Variants in GCFC2 observed in about 807,000 individuals in gnomAD.
The protein encoded by GCFC2 is GC-rich sequence DNA-binding factor 2.
Under a neutral mutation model 99.4 loss-of-function variants are expected in GCFC2, and 102 were observed. That is an observed-to-expected ratio of 1.03 (90% CI 0.87 to 1.21). GCFC2 has a LOEUF of 1.21. Ranked by LOEUF, GCFC2 falls within the 50% of genes most tolerant of loss-of-function variation. The probability of loss-of-function intolerance (pLI) is 0.00; values close to 1 mark genes in which losing one functional copy is unlikely to be tolerated. For synonymous variants in GCFC2, 338 were observed against 316.8 expected (o/e 1.07, Z -0.71); for missense variants, 973 against 920.9 (o/e 1.06, Z -0.73).
At chr2:75,691,071 A>G (rs1463255161) in intron 7 of GCFC2, among the ~76,000 whole-genome samples, 1 of 152,170 alleles carries the variant, frequency 6.6e-6, no homozygotes, top group Non-Finnish European at 1.5e-5. Flanking sequence ...GGCTTTGCCA[A>G]TACAGGAGTC....
At position 75,690,671 on chromosome 2, in the gene GCFC2, G is replaced by A. The variant is rs752221205; in HGVS notation, c.1193C>T (p.Thr398Ile). 7 of 1,564,752 alleles carry A rather than the reference G, an allele frequency of 4.5e-6. No individual in the cohort carries two copies. In the African/African-American group the frequency reaches 9.5e-5, roughly 21 times the overall value. The change falls in exon 8 of 17, where the codon ACT (threonine) becomes ATT (isoleucine). Residue 398 changes from threonine (T) to isoleucine (I), a missense_variant. Transcript: ENST00000321027. Reference sequence around the variant, plus strand: ...TTCAATCTCTTCTAAAATCCACTGAGTTTTTTCATCTACTGAGAAGTTTCC... The same window carrying A: ...TTCAATCTCTTCTAAAATCCACTGAATTTTTTCATCTACTGAGAAGTTTCC... ...TSGNFSVDEK[T>I]QWILEEIESR...
rs115977081 is a variant in GCFC2, at chr2:75,695,196, T to C, written c.834-769A>G. On this transcript the variant is annotated intron_variant, in intron 5 of 16. Transcript: ENST00000321027. ...CTTTGTTTTTATAAATAAAGTTATA[T>C]TGGAACACATACATGCTTATATGTT... Among the ~76,000 whole-genome samples, 466 of 152,312 alleles carry C rather than the reference T, an allele frequency of 3.1e-3. 3 individuals are homozygous for C. Among genetic ancestry groups the C allele is most frequent in the African/African-American group, 0.011 (454 of 41,592 alleles).
Position 75,696,314 on chromosome 2 carries a change from T to C in GCFC2, c.719A>G (p.Glu240Gly). ...GCCACAGGAAAGATCTATGTCTCTTTCCTAAAAAAGTAAAAATAGATTTTT... is the reference window on the plus strand; with the variant it reads ...GCCACAGGAAAGATCTATGTCTCTTCCCTAAAAAAGTAAAAATAGATTTTT... Reference protein sequence around the residue: ...QMRKAVKIIEERDIDLSCGNG... With the variant: ...QMRKAVKIIEGRDIDLSCGNG... Residue 240 changes from glutamate to glycine, a missense_variant and splice_region_variant, in exon 5 of 17, where the codon GAA becomes GGA. Glu to Gly is a moderately conservative substitution (Grantham distance 98). Coordinates refer to ENST00000321027, the MANE Select transcript of GCFC2 (RefSeq NM_003203.5). 1 of 1,222,746 alleles carries C rather than the reference T, an allele frequency of 8.2e-7. No individual in the cohort carries two copies. 75.7% of individuals were successfully genotyped at this position (1,222,746 alleles called of 1,614,324 possible).
intron 1 of GCFC2, among the ~76,000 whole-genome samples, chr2:75,707,711 G>C (rs1455998543): frequency 6.8e-6 from 1 of 146,668 alleles, no homozygotes; most frequent in African/African-American, 2.4e-5. Context: ...CTTTCAGAGA[G>C]TCTGTGAAAT....
Position 75,664,484 on chromosome 2 carries a change from A to G in GCFC2, c.*182T>C. On this transcript the variant is annotated 3_prime_UTR_variant, in exon 17 of 17. Transcript: ENST00000321027. ...TAATTCCTTAGAACACCACAGAATC[A>G]TGGCAGCTTTTCATGATGCCAGAAG... The G allele has an allele frequency of 2.4e-6, 1 of 409,036 alleles. No homozygotes were observed. Among genetic ancestry groups the G allele is most frequent in the Non-Finnish European group, 4.4e-6 (1 of 229,668 alleles). 25.3% of individuals were successfully genotyped at this position (409,036 alleles called of 1,614,324 possible).
In GCFC2 at chr2:75,689,119, A is replaced by G; in HGVS notation, c.1446T>C (p.Pro482=). ...TAATGAAAGCTTCATAATAGGAGTC[A>G]GGAAACTTTTCTCGCCATTGCTGAA... The part of the protein sequence containing the change: ...LKFQQWREKF[P]DSYYEAFISL... Residue 482 remains proline (P), a synonymous_variant, in exon 10 of 17, where the codon CCT becomes CCC. Transcript: ENST00000321027. The G allele has an allele frequency of 6.3e-7, 1 of 1,597,658 alleles. No homozygotes were observed. The highest frequency in any genetic ancestry group is 8.6e-7 in the Non-Finnish European group (1 of 1,166,086).
intron 2 of GCFC2, among the ~76,000 whole-genome samples, chr2:75,704,903 T>C (rs1027663629): frequency 6.6e-6 from 1 of 152,218 alleles, no homozygotes; most frequent in African/African-American, 2.4e-5. Flanking sequence ...CTCAAACTCC[T>C]GACCTCAGGT....
At chr2:75,682,158 T>G (rs1679608539) in intron 11 of GCFC2, among the ~76,000 whole-genome samples, 1 of 151,848 alleles carries the variant, frequency 6.6e-6, no homozygotes, top group South Asian at 2.1e-4. Context: ...GGGAGACACC[T>G]CCCAGTAGGG....
intron 15 of GCFC2, among the ~76,000 whole-genome samples, chr2:75,669,677 T>C (rs1206392323): frequency 1.3e-5 from 2 of 152,220 alleles, no homozygotes; most frequent in Non-Finnish European, 2.9e-5. Flanking sequence ...CAAACCAGTA[T>C]ACTCTTTCTT....
At chr2:75,673,357 CTG>C (rs1679206615) in intron 13 of GCFC2, 85 bp downstream of exon 13, 3 of 701,716 alleles carry the variant, frequency 4.3e-6, no homozygotes, top group African/African-American at 1.8e-5. Flanking sequence ...AAATAAAACA[CTG>C]TAGTTTCTTT....
chr2:75,708,204 G>A (rs1168834913), intron 1 of GCFC2, among the ~76,000 whole-genome samples: 1 of 152,146 alleles, frequency 6.6e-6, no homozygotes, highest in African/African-American at 2.4e-5. Context: ...AATAAAATGA[G>A]AGATTTCAAG....
rs531643720 is a variant in GCFC2 at position 75,690,225 on chromosome 2, C to T, written c.1227-144G>A. On this transcript the variant is annotated intron_variant, in intron 8 of 16. Coordinates refer to ENST00000321027, the MANE Select transcript of GCFC2 (RefSeq NM_003203.5). ...GGCCAGAAATATACTATCATATCAG[C>T]GCACAATTTTATTAATATTTTTGAC... 106 of 595,154 alleles carry T rather than the reference C, an allele frequency of 1.8e-4. 3 individuals are homozygous for T. The South Asian group carries it at 1.8e-3, about 10-fold the overall frequency. 36.9% of individuals were successfully genotyped at this position (595,154 alleles called of 1,614,324 possible).
Position 75,702,297 on chromosome 2 carries a change from C to T in GCFC2, c.521G>A (p.Ser174Asn), listed in dbSNP as rs756110821. 2 of 1,613,152 alleles carry T rather than the reference C, an allele frequency of 1.2e-6. No individual in the cohort carries two copies. Among genetic ancestry groups the T allele is most frequent in the Non-Finnish European group, 1.7e-6 (2 of 1,179,254 alleles). Residue 174 changes from serine (S) to asparagine (N), a missense_variant, in exon 3 of 17, where the codon AGC becomes AAC. Transcript: ENST00000321027. ...TSSISGMKRE[S>N]EDDPESEPDD... ...AGGCTCACTCTCAGGGTCATCTTCG[C>T]TCTCTCTCTTCATACCAGAGATGGA...
intron 9 of GCFC2, 109 bp from the exon 10 acceptor site, chr2:75,689,334 T>A: frequency 1.7e-6 from 1 of 581,810 alleles, no homozygotes; most frequent in Non-Finnish European, 3.0e-6. Context: ...AAATTTGTCC[T>A]TTTATATTAA....
chr2:75,708,195 A>G (rs775187498), intron 1 of GCFC2, among the ~76,000 whole-genome samples: 4 of 152,224 alleles, frequency 2.6e-5, no homozygotes, highest in Admixed American at 6.5e-5. Context: ...GTGCCTATCA[A>G]TAAAATGAGA....
At chr2:75,699,935 C>G (rs1295933070) in intron 4 of GCFC2, among the ~76,000 whole-genome samples, 1 of 150,108 alleles carries the variant, frequency 6.7e-6, no homozygotes. Flanking sequence ...GGGTCTCACT[C>G]TGTCACCCAC....
chr2:75,712,612 G>A (rs1042084585), upstream of GCFC2, among the ~76,000 whole-genome samples: 3 of 151,116 alleles, frequency 2.0e-5, no homozygotes, highest in Admixed American at 2.0e-4. Flanking sequence ...TTGTTCTTTC[G>A]CTCTTTGCAA....
intron 12 of GCFC2, among the ~76,000 whole-genome samples, chr2:75,674,611 A>T (rs1334795780): frequency 2.0e-5 from 3 of 152,002 alleles, no homozygotes; most frequent in African/African-American, 7.2e-5. Context: ...TATATTATTT[A>T]TATAATGATA....
intron 3 of GCFC2, 188 bp from the exon 4 acceptor site, chr2:75,701,475 A>G: frequency 1.7e-6 from 1 of 582,212 alleles, no homozygotes; most frequent in East Asian, 2.9e-5. Context: ...AAATATTGGG[A>G]GGTTAAGTAA....
Sources: gnomAD v4.1 joint callset for allele counts (sites outside exome capture counted in the v4.1 genomes callset) on GRCh38, gnomAD v4.1.1 for gene constraint, MANE v1.5 for transcripts, NCBI Gene and HGNC (gene_info 2026-07-23, HGNC 2026-07-21) for gene names.